ALPK1: variants seen among roughly 807,000 people sequenced by gnomAD.
ALPK1 encodes alpha kinase 1, also known as alpha-protein kinase 1.
Under a neutral mutation model 120.6 loss-of-function variants are expected in ALPK1, and 110 were observed. The observed-to-expected ratio is 0.91, with a 90% confidence interval of 0.78 to 1.07. The LOEUF is 1.07. Ranked by LOEUF, ALPK1 falls within the 50% of genes least tolerant of loss-of-function variation. The pLI, the probability that ALPK1 is intolerant of heterozygous loss-of-function variation, is 0.00. For missense variants in ALPK1, 1,498 were observed against 1,483.9 expected, an observed-to-expected ratio of 1.01 and a Z score of -0.16; for synonymous variants, 582 against 560.3, an observed-to-expected ratio of 1.04 and a Z score of -0.55.
intron 2 of ALPK1, among the ~76,000 whole-genome samples, chr4:112,331,792 G>A (rs1411860945): frequency 6.6e-6 from 1 of 152,216 alleles, no homozygotes; most frequent in East Asian, 1.9e-4. Context: ...TTTAGCAGTT[G>A]TGAAGTCTGA....
intron 2 of ALPK1, chr4:112,358,223 G>A: frequency 1.7e-6 from 1 of 597,772 alleles, no homozygotes; most frequent in South Asian, 1.5e-5. Flanking sequence ...CTTCCTCTGT[G>A]ACCACAGGGT....
intron 1 of ALPK1, among the ~76,000 whole-genome samples, chr4:112,313,340 C>A (rs1195261889): frequency 3.3e-5 from 5 of 152,096 alleles, no homozygotes; most frequent in African/African-American, 9.7e-5. Flanking sequence ...GGAGGAAAAC[C>A]AAGAGAGTAT....
chr4:112,305,066 G>A (rs1727974155), intron 1 of ALPK1, among the ~76,000 whole-genome samples: 2 of 152,074 alleles, frequency 1.3e-5, no homozygotes, highest in Admixed American at 6.5e-5. Flanking sequence ...TTGTAGAGGT[G>A]TGGTATTATT....
intron 12 of ALPK1, among the ~76,000 whole-genome samples, chr4:112,437,130 G>T (rs9990594): frequency 0.35 from 53,221 of 151,754 alleles, 9,946 homozygotes; most frequent in African/African-American, 0.48. Context: ...TAAGGACAAA[G>T]AAACCATTTT....
At chr4:112,305,614 G>T (rs559906718) in intron 1 of ALPK1, among the ~76,000 whole-genome samples, 5 of 151,846 alleles carry the variant, frequency 3.3e-5, no homozygotes, top group Non-Finnish European at 7.4e-5. Flanking sequence ...TCCTGAGACT[G>T]CAGACGTTGC....
rs1387542550 is a variant in ALPK1 at position 112,441,835 on chromosome 4, T to C, written c.*625T>C. On this transcript the variant is annotated 3_prime_UTR_variant, in exon 16 of 16. Coordinates refer to ENST00000650871, the MANE Select transcript of ALPK1 (RefSeq NM_025144.4). ...AGTAAGATGGAAGAGTGGTACAGTTTTCTTTATCCAGTCTGTCCTTGATGG... is the reference window on the plus strand; with the variant it reads ...AGTAAGATGGAAGAGTGGTACAGTTCTCTTTATCCAGTCTGTCCTTGATGG... 1 of 152,712 alleles carries C rather than the reference T, an allele frequency of 6.5e-6. No individual in the cohort carries two copies. The highest frequency in any genetic ancestry group is 2.1e-4 in the South Asian group (1 of 4,850). 9.5% of individuals were successfully genotyped at this position (152,712 alleles called of 1,614,324 possible). A position where few individuals can be genotyped will look rare whatever the true frequency, so the allele number is the denominator to read the frequency against.
chr4:112,301,599 C>T (rs957180809), intron 1 of ALPK1, among the ~76,000 whole-genome samples: 9 of 152,152 alleles, frequency 5.9e-5, no homozygotes, highest in Admixed American at 6.5e-5. Context: ...GACCTCTGAT[C>T]ACCTTATTCC....
Position 112,422,002 on chromosome 4 carries a change from A to G in ALPK1, c.476-1942A>G, listed in dbSNP as rs114146480. ...TGTCCTTTGCGGCCATTGTTAAGTAAAATACGGGTGACTTGAACACAAGCA... is the reference window on the plus strand; with the variant it reads ...TGTCCTTTGCGGCCATTGTTAAGTAGAATACGGGTGACTTGAACACAAGCA... On this transcript the variant is annotated intron_variant, in intron 5 of 15. Coordinates refer to ENST00000650871, the MANE Select transcript of ALPK1 (RefSeq NM_025144.4). Among the ~76,000 whole-genome samples, 525 of 152,272 alleles carry G rather than the reference A, an allele frequency of 3.4e-3. 5 individuals carry two copies. The highest frequency in any genetic ancestry group is 0.012 in the African/African-American group (487 of 41,544).
chr4:112,359,667 G>C (rs139997003), intron 2 of ALPK1: 62 of 237,114 alleles, frequency 2.6e-4, no homozygotes, highest in East Asian at 1.9e-3. Context: ...AGGGGCCTTG[G>C]GGGAGGATGG....
intron 3 of ALPK1, among the ~76,000 whole-genome samples, chr4:112,380,908 T>C (rs1220970955): frequency 1.3e-5 from 2 of 152,124 alleles, no homozygotes; most frequent in Non-Finnish European, 2.9e-5. Context: ...GGTTTGGAAG[T>C]GCTCAGAGCA....
intron 14 of ALPK1, 44 bp downstream of exon 14, chr4:112,439,916 A>G: frequency 1.4e-6 from 2 of 1,474,180 alleles, no homozygotes; most frequent in Non-Finnish European, 1.8e-6. Flanking sequence ...TATTATATGT[A>G]AATGTGAAGT....
chr4:112,345,608 A>T (rs1035631216), intron 2 of ALPK1, among the ~76,000 whole-genome samples: 1 of 152,086 alleles, frequency 6.6e-6, no homozygotes, highest in African/African-American at 2.4e-5. Flanking sequence ...ATTCATCAAG[A>T]CCATTCCTTT....
intron 1 of ALPK1, among the ~76,000 whole-genome samples, chr4:112,299,719 G>A (rs1200810790): frequency 2.0e-5 from 3 of 152,220 alleles, no homozygotes; most frequent in African/African-American, 4.8e-5. Flanking sequence ...GATGTACAAA[G>A]TATTTGACAG....
intron 1 of ALPK1, among the ~76,000 whole-genome samples, chr4:112,308,247 AG>A: frequency 6.6e-6 from 1 of 151,848 alleles, no homozygotes; most frequent in East Asian, 1.9e-4. Flanking sequence ...CTTCTCAAGG[AG>A]TATCTTTGTG....
chr4:112,378,570 G>C (rs1251283174), intron 3 of ALPK1, among the ~76,000 whole-genome samples: 1 of 151,844 alleles, frequency 6.6e-6, no homozygotes, highest in African/African-American at 2.4e-5. Flanking sequence ...CAATTTTTGA[G>C]AGGCAATCTT....
At chr4:112,394,089 A>G (rs1188535484) in intron 4 of ALPK1, among the ~76,000 whole-genome samples, 5 of 152,172 alleles carry the variant, frequency 3.3e-5, no homozygotes, top group African/African-American at 4.8e-5. Context: ...GAGAATGAGA[A>G]GAGGCTCACC....
intron 2 of ALPK1, among the ~76,000 whole-genome samples, chr4:112,361,827 G>A (rs1167798167): frequency 1.3e-5 from 2 of 152,218 alleles, no homozygotes; most frequent in African/African-American, 2.4e-5. Flanking sequence ...GACCCTCACT[G>A]AGTCCACTTC....
At chr4:112,408,975 C>T (rs1560674724) in intron 4 of ALPK1, among the ~76,000 whole-genome samples, 1 of 152,148 alleles carries the variant, frequency 6.6e-6, no homozygotes, top group South Asian at 2.1e-4. Flanking sequence ...CATGTAATTC[C>T]TAGAATGGCA....
intron 2 of ALPK1, among the ~76,000 whole-genome samples, chr4:112,352,191 C>A (rs896094975): frequency 2.0e-5 from 3 of 152,126 alleles, no homozygotes; most frequent in African/African-American, 7.2e-5. Context: ...AAATGCGGAA[C>A]AACTATCGAG....
Sources: gnomAD v4.1 joint callset for allele counts (sites outside exome capture counted in the v4.1 genomes callset) on GRCh38, gnomAD v4.1.1 for gene constraint, MANE v1.5 for transcripts, NCBI Gene and HGNC (gene_info 2026-07-23, HGNC 2026-07-21) for gene names.